TRIM2: variants seen among roughly 807,000 people sequenced by gnomAD.
The protein encoded by TRIM2 is tripartite motif containing 2.
A neutral mutation model predicts 75.2 loss-of-function variants in TRIM2; 20 were observed. That is an observed-to-expected ratio of 0.27 (90% CI 0.19 to 0.39). The LOEUF is 0.39. Ranked by LOEUF, TRIM2 falls within the 10% of genes least tolerant of loss-of-function variation. TRIM2 has a pLI of 1.00. For missense variants in TRIM2, 660 were observed against 990.8 expected (o/e 0.67, Z 4.48); for synonymous variants, 373 against 388.3 (o/e 0.96, Z 0.46).
chr4:153,290,790 T>C (rs1761693223), intron 3 of TRIM2, among the ~76,000 whole-genome samples: 1 of 152,120 alleles, frequency 6.6e-6, no homozygotes, highest in Non-Finnish European at 1.5e-5. Flanking sequence ...CCACGTCCAG[T>C]TAATTTTTTA....
chr4:153,217,156 T>C (rs1243581163), intron 1 of TRIM2, among the ~76,000 whole-genome samples: 5 of 152,222 alleles, frequency 3.3e-5, no homozygotes, highest in Admixed American at 3.3e-4. Context: ...TGTAAAATGT[T>C]TTGGGGTTTC....
intron 1 of TRIM2, among the ~76,000 whole-genome samples, chr4:153,256,304 TCAC>T (rs1287752146): frequency 6.6e-6 from 1 of 152,222 alleles, no homozygotes; most frequent in East Asian, 1.9e-4. Context: ...CCAAAGGTAA[TCAC>T]CACTGCTCTG....
At chr4:153,230,219 T>A (rs1743256608) in intron 1 of TRIM2, among the ~76,000 whole-genome samples, 1 of 152,178 alleles carries the variant, frequency 6.6e-6, no homozygotes, top group African/African-American at 2.4e-5. Context: ...CTTGCTCTGC[T>A]GCCCAGGCTG....
chr4:153,238,504 G>A (rs2149830093), intron 1 of TRIM2, among the ~76,000 whole-genome samples: 1 of 152,304 alleles, frequency 6.6e-6, no homozygotes, highest in East Asian at 1.9e-4. Flanking sequence ...GCCCTGGGAA[G>A]CATCGTATGA....
chr4:153,308,171 G>C (rs1765445774), intron 6 of TRIM2: 1 of 1,340,010 alleles, frequency 7.5e-7, no homozygotes, highest in Admixed American at 1.7e-5. Flanking sequence ...CAGCGTCATA[G>C]AGATCCCGGG....
rs1341392365 is a variant in TRIM2 at position 153,204,541 on chromosome 4, G to T, written c.11G>T (p.Ser4Ile). The change falls in exon 1 of 12, where the codon AGT (serine) becomes ATT (isoleucine). Residue 4 changes from serine to isoleucine, a missense_variant. Ser to Ile is a moderately radical substitution (Grantham distance 142). Coordinates refer to ENST00000338700, the MANE Select transcript of TRIM2 (RefSeq NM_015271.5). ...TGGCTCTGGTCTTCGATGCACAGGAGTGGCCGTTATGGAACGCAGGTAAGG... is the reference window on the plus strand; with the variant it reads ...TGGCTCTGGTCTTCGATGCACAGGATTGGCCGTTATGGAACGCAGGTAAGG... MHRSGRYGTQQQRA... is the reference protein window; with the variant it reads MHRIGRYGTQQQRA... The T allele has an allele frequency of 1.3e-6, 2 of 1,551,636 alleles. No individual in the cohort carries two copies. Among genetic ancestry groups the T allele is most frequent in the East Asian group, 2.4e-5 (1 of 40,942 alleles).
At chr4:153,297,235 G>A (rs1344996903) in intron 6 of TRIM2, among the ~76,000 whole-genome samples, 1 of 152,176 alleles carries the variant, frequency 6.6e-6, no homozygotes, top group East Asian at 1.9e-4. Context: ...TCAGAGCATG[G>A]AAGCCCTCAT....
chr4:153,283,838 A>G (rs1045283058), intron 3 of TRIM2, among the ~76,000 whole-genome samples: 20 of 110,008 alleles, frequency 1.8e-4, no homozygotes, highest in African/African-American at 6.1e-4. Flanking sequence ...GGGTTTCATC[A>G]TCTTGGCCAG....
intron 1 of TRIM2, among the ~76,000 whole-genome samples, chr4:153,171,360 C>T (rs1390002656): frequency 1.3e-5 from 2 of 152,078 alleles, no homozygotes; most frequent in Non-Finnish European, 2.9e-5. Context: ...CTGAGGCAGG[C>T]GGATCACCTG....
At chr4:153,278,629 C>T (rs1290813999) in intron 3 of TRIM2, among the ~76,000 whole-genome samples, 1 of 151,974 alleles carries the variant, frequency 6.6e-6, no homozygotes, top group Non-Finnish European at 1.5e-5. Flanking sequence ...CGAAATCCCA[C>T]CTCTACCAAA....
intron 1 of TRIM2, among the ~76,000 whole-genome samples, chr4:153,240,864 G>C (rs1220626396): frequency 5.3e-5 from 8 of 152,178 alleles, no homozygotes; most frequent in Admixed American, 4.6e-4. Context: ...GGATCACAAG[G>C]TCTGGAGTTT....
At chr4:153,311,024 C>G (rs1053401925) in intron 6 of TRIM2, among the ~76,000 whole-genome samples, 3 of 152,138 alleles carry the variant, frequency 2.0e-5, no homozygotes, top group African/African-American at 7.2e-5. Context: ...GCTCTTGTGA[C>G]CTAGTATTAG....
intron 1 of TRIM2, among the ~76,000 whole-genome samples, chr4:153,188,138 G>A (rs1732798400): frequency 6.6e-6 from 1 of 152,192 alleles, no homozygotes; most frequent in South Asian, 2.1e-4. Flanking sequence ...AACACTGGAA[G>A]GAACATTTTT....
At chr4:153,205,775 C>A (rs566355713) in intron 1 of TRIM2, among the ~76,000 whole-genome samples, 8 of 152,288 alleles carry the variant, frequency 5.3e-5, no homozygotes, top group African/African-American at 1.9e-4. Context: ...AGCCACCATG[C>A]TGTTTGCGGA....
chr4:153,212,139 A>G (rs1227137302), intron 1 of TRIM2, among the ~76,000 whole-genome samples: 1 of 152,192 alleles, frequency 6.6e-6, no homozygotes, highest in Non-Finnish European at 1.5e-5. Context: ...AAAGTCATCA[A>G]GCTAAGTGTC....
At chr4:153,162,333 A>G (rs1040885112) in intron 1 of TRIM2, among the ~76,000 whole-genome samples, 2 of 152,200 alleles carry the variant, frequency 1.3e-5, no homozygotes, top group African/African-American at 4.8e-5. Context: ...GACAAGTCCA[A>G]TCTGTAGGAT....
intron 10 of TRIM2, among the ~76,000 whole-genome samples, chr4:153,326,809 C>T (rs1374269005): frequency 3.9e-4 from 60 of 152,104 alleles, no homozygotes; most frequent in Admixed American, 2.0e-4. Flanking sequence ...GGCGAAACCT[C>T]GTCTCCAGTA....
intron 1 of TRIM2, among the ~76,000 whole-genome samples, chr4:153,206,263 G>T (rs1257948846): frequency 6.6e-6 from 1 of 152,188 alleles, no homozygotes; most frequent in Non-Finnish European, 1.5e-5. Context: ...TTGTGCTTCT[G>T]ACTAGCTGGC....
chr4:153,154,148 G>A (rs1477736415), intron 1 of TRIM2, among the ~76,000 whole-genome samples: 1 of 152,216 alleles, frequency 6.6e-6, no homozygotes, highest in African/African-American at 2.4e-5. Context: ...AAGGTTCCGA[G>A]GAGCGTTTCA....
Sources: gnomAD v4.1 joint callset for allele counts (sites outside exome capture counted in the v4.1 genomes callset) on GRCh38, gnomAD v4.1.1 for gene constraint, MANE v1.5 for transcripts, NCBI Gene and HGNC (gene_info 2026-07-23, HGNC 2026-07-21) for gene names.